The following ADCK1 variants were observed in gnomAD, a reference collection of about 807,000 sequenced individuals.
ADCK1 encodes the protein aarF domain containing kinase 1, also known as aarF domain-containing protein kinase 1.
A neutral mutation model predicts 52.3 loss-of-function variants in ADCK1; 41 were observed. The observed-to-expected ratio is 0.78, with a 90% CI of 0.61 to 1.02. The LOEUF (loss-of-function observed/expected upper bound fraction) is 1.02. Ranked by LOEUF, ADCK1 falls within the 50% of genes least tolerant of loss-of-function variation. The pLI is 0.00. For missense variants in ADCK1, 658 were observed against 679.5 expected (o/e 0.97, Z 0.35); for synonymous variants, 250 against 274.6 (o/e 0.91, Z 0.89).
chr14:77,873,666 G>C (rs2082835479), intron 4 of ADCK1, among the ~76,000 whole-genome samples: 1 of 152,184 alleles, frequency 6.6e-6, no homozygotes, highest in South Asian at 2.1e-4. Flanking sequence ...TCTTGTGATA[G>C]TGAGTTAGTT....
At chr14:77,802,321 T>C (rs1014485901) in intron 1 of ADCK1, among the ~76,000 whole-genome samples, 4 of 152,172 alleles carry the variant, frequency 2.6e-5, no homozygotes, top group Non-Finnish European at 5.9e-5. Context: ...GCTTGCTCTT[T>C]GCATCTGGCT....
chr14:77,916,489 T>A (rs759386723), intron 7 of ADCK1, among the ~76,000 whole-genome samples: 2 of 152,202 alleles, frequency 1.3e-5, no homozygotes, highest in South Asian at 4.1e-4. Flanking sequence ...AGGTTTTCAC[T>A]CTCACCCAGG....
At chr14:77,915,625 C>T (rs8005775) in intron 7 of ADCK1, among the ~76,000 whole-genome samples, 1,911 of 152,234 alleles carry the variant, frequency 0.013, 40 homozygotes, top group African/African-American at 0.043. Flanking sequence ...ATGGATGAAA[C>T]TGGAAACCAA....
intron 6 of ADCK1, among the ~76,000 whole-genome samples, chr14:77,903,480 A>T (rs550462779): frequency 6.6e-6 from 1 of 152,232 alleles, no homozygotes; most frequent in South Asian, 2.1e-4. Flanking sequence ...CTGAATGCAA[A>T]TATGGCGTCA....
chr14:77,852,781 C>G (rs1265716351), intron 3 of ADCK1, among the ~76,000 whole-genome samples: 1 of 134,520 alleles, frequency 7.4e-6, no homozygotes, highest in African/African-American at 2.8e-5. Flanking sequence ...CCACAGTTCA[C>G]TGATGTTCTT....
intron 3 of ADCK1, among the ~76,000 whole-genome samples, chr14:77,858,638 A>G (rs1447864737): frequency 1.1e-4 from 17 of 152,138 alleles, no homozygotes; most frequent in Non-Finnish European, 1.5e-4. Context: ...GATACCATAC[A>G]TATGACCATG....
intron 5 of ADCK1, among the ~76,000 whole-genome samples, chr14:77,890,351 T>G (rs1449312971): frequency 6.6e-6 from 1 of 152,334 alleles, no homozygotes; most frequent in Non-Finnish European, 1.5e-5. Context: ...ACATGGCTGC[T>G]TGGTCTTCCT....
chr14:77,917,698 A>G lies in ADCK1; in HGVS notation c.859-6759A>G, dbSNP rs189890619. ...AAGGCACATTTTTTTTATGTGGAAC[A>G]ATTAAAAGATTTCTCATTGACTTTT... is the stretch of plus-strand genomic sequence containing the variant. On this transcript the variant is annotated intron_variant, in intron 7 of 10. Coordinates refer to ENST00000238561, the MANE Select transcript of ADCK1 (RefSeq NM_020421.4). Among the ~76,000 whole-genome samples, 743 of 152,352 alleles carry G rather than the reference A, an allele frequency of 4.9e-3. 10 individuals carry two copies. Among genetic ancestry groups the G allele is most frequent in the African/African-American group, 0.017 (695 of 41,586 alleles).
At chr14:77,818,494 C>T (rs1566633083) in intron 1 of ADCK1, among the ~76,000 whole-genome samples, 1 of 152,104 alleles carries the variant, frequency 6.6e-6, no homozygotes, top group Non-Finnish European at 1.5e-5. Context: ...GTTGCCCAGG[C>T]TGGTCTGGAA....
At chr14:77,922,495 A>C (rs559396799) in intron 7 of ADCK1, among the ~76,000 whole-genome samples, 1 of 152,288 alleles carries the variant, frequency 6.6e-6, no homozygotes, top group East Asian at 1.9e-4. Flanking sequence ...CGCTTATGAG[A>C]GTCACCAGGG....
At position 77,924,539 on chromosome 14, in the gene ADCK1, T is replaced by C. The variant is rs746268255; in HGVS notation, c.941T>C (p.Val314Ala). ...FVHCDPHPGNVLVRKHPGTGK... is the reference protein window; with the variant it reads ...FVHCDPHPGNALVRKHPGTGK... ...CACTGCGATCCCCACCCCGGCAATGTACTGGTGCGGAAGCACCCCGGCACG... is the reference window on the plus strand; with the variant it reads ...CACTGCGATCCCCACCCCGGCAATGCACTGGTGCGGAAGCACCCCGGCACG... Residue 314 changes from valine (V) to alanine (A), a missense_variant, in exon 8 of 11, where the codon GTA becomes GCA. Coordinates refer to ENST00000238561, the MANE Select transcript of ADCK1 (RefSeq NM_020421.4). The C allele has an allele frequency of 8.7e-6, 14 of 1,614,082 alleles. No individual in the cohort carries two copies. The highest frequency in any genetic ancestry group is 1.2e-5 in the Non-Finnish European group (14 of 1,180,038).
chr14:77,828,965 T>C (rs1298502465), intron 3 of ADCK1, among the ~76,000 whole-genome samples: 1 of 151,460 alleles, frequency 6.6e-6, no homozygotes, highest in Non-Finnish European at 1.5e-5. Context: ...GTTCCACCTT[T>C]GGCCACTGGG....
chr14:77,854,276 T>C (rs1163449217), intron 3 of ADCK1, among the ~76,000 whole-genome samples: 1 of 151,978 alleles, frequency 6.6e-6, no homozygotes, highest in East Asian at 1.9e-4. Flanking sequence ...ATTGGAGTAA[T>C]TGATGTTAGA....
intron 3 of ADCK1, among the ~76,000 whole-genome samples, chr14:77,852,881 G>A (rs10131746): frequency 0.018 from 519 of 29,310 alleles, 10 homozygotes; most frequent in African/African-American, 0.039. Flanking sequence ...TCTTTTATGT[G>A]TGTATATATA....
chr14:77,864,001 G>T (rs1489818992), intron 4 of ADCK1, among the ~76,000 whole-genome samples: 1 of 152,166 alleles, frequency 6.6e-6, no homozygotes, highest in Admixed American at 6.5e-5. Flanking sequence ...TTATATTGGT[G>T]TCTGGGTGGT....
At chr14:77,913,678 A>T (rs549799090) in intron 7 of ADCK1, among the ~76,000 whole-genome samples, 16 of 152,230 alleles carry the variant, frequency 1.1e-4, no homozygotes, top group Non-Finnish European at 1.5e-5. Context: ...CTGAGGTTCA[A>T]TGTAATTTGT....
At chr14:77,926,893 T>C (rs1241559773) in intron 9 of ADCK1, among the ~76,000 whole-genome samples, 1 of 152,254 alleles carries the variant, frequency 6.6e-6, no homozygotes, top group Non-Finnish European at 1.5e-5. Flanking sequence ...CAGGGGGCTT[T>C]TCCAGCCTCC....
intron 1 of ADCK1, among the ~76,000 whole-genome samples, chr14:77,811,424 C>T (rs1366154202): frequency 6.6e-6 from 1 of 151,988 alleles, no homozygotes; most frequent in East Asian, 1.9e-4. Flanking sequence ...CTATGGTCAC[C>T]CAGTTCATAA....
chr14:77,896,914 G>A (rs896556473), intron 5 of ADCK1, among the ~76,000 whole-genome samples: 10 of 152,192 alleles, frequency 6.6e-5, no homozygotes, highest in African/African-American at 1.7e-4. Context: ...TTGGAATGGC[G>A]TCTGGTACAT....
Sources: allele counts gnomAD v4.1 joint callset (sites outside exome capture counted in the v4.1 genomes callset), GRCh38; gene constraint gnomAD v4.1.1; transcripts MANE v1.5; gene names NCBI Gene and HGNC (gene_info 2026-07-23, HGNC 2026-07-21).